The following EYS variants were observed in gnomAD, a reference collection of about 807,000 sequenced individuals.
The protein encoded by EYS is protein eyes shut homolog.
In EYS, 250 loss-of-function variants were observed where a neutral mutation model predicts 282.1. The observed-to-expected ratio is 0.89, with a 90% CI of 0.80 to 0.98. The LOEUF is 0.98. Ranked by LOEUF, EYS falls within the 50% of genes least tolerant of loss-of-function variation. EYS has a pLI of 0.00. For missense variants in EYS, 4,016 were observed against 3,709.0 expected (o/e 1.08, Z -2.15); for synonymous variants, 1,355 against 1,282.9 (o/e 1.06, Z -1.20).
At chr6:64,439,476 G>A (rs1774863614) in intron 26 of EYS, 124 bp from the exon 27 acceptor site, 3 of 549,976 alleles carry the variant, frequency 5.5e-6, no homozygotes, top group Admixed American at 4.3e-5. Context: ...CCTCTTTCAA[G>A]CCCAGGCACT....
Position 65,114,736 on chromosome 6 carries a change from T to C in EYS, c.2024-57009A>G, listed in dbSNP as rs115034751. ...TTCTCTACACTCCGGAGTCACTTCTTCAAGTGATTTCATCCACTATTACAG... is the reference window on the plus strand; with the variant it reads ...TTCTCTACACTCCGGAGTCACTTCTCCAAGTGATTTCATCCACTATTACAG... On this transcript the variant is annotated intron_variant, in intron 12 of 42. Coordinates refer to ENST00000503581, the MANE Select transcript of EYS (RefSeq NM_001142800.2). Among the ~76,000 whole-genome samples, 491 of 152,098 alleles carry C rather than the reference T, an allele frequency of 3.2e-3. 2 individuals carry two copies. The highest frequency in any genetic ancestry group is 0.011 in the African/African-American group (472 of 41,542).
chr6:64,373,620 C>G (rs1772462457), intron 29 of EYS, among the ~76,000 whole-genome samples: 1 of 152,134 alleles, frequency 6.6e-6, no homozygotes, highest in Non-Finnish European at 1.5e-5. Flanking sequence ...CAACAGGAAG[C>G]TGTGCCCCTT....
At chr6:64,723,250 C>A (rs1771646378) in intron 22 of EYS, among the ~76,000 whole-genome samples, 1 of 152,126 alleles carries the variant, frequency 6.6e-6, no homozygotes, top group Admixed American at 6.5e-5. Context: ...CCTTGTCAGT[C>A]ACATGTGCAT....
At chr6:65,576,263 G>A (rs1003789008) in intron 2 of EYS, among the ~76,000 whole-genome samples, 2 of 151,860 alleles carry the variant, frequency 1.3e-5, no homozygotes, top group Admixed American at 1.3e-4. Flanking sequence ...TGGATGCAAG[G>A]ATAATTTAAT....
At chr6:65,396,330 T>G (rs191246970) in intron 7 of EYS, among the ~76,000 whole-genome samples, 1 of 152,280 alleles carries the variant, frequency 6.6e-6, no homozygotes, top group African/African-American at 2.4e-5. Flanking sequence ...GTATTTTATA[T>G]TCTATGCACG....
At chr6:64,044,961 A>G (rs1015253921) in intron 33 of EYS, among the ~76,000 whole-genome samples, 2 of 152,232 alleles carry the variant, frequency 1.3e-5, no homozygotes, top group Admixed American at 6.5e-5. Context: ...AATTAGCTGT[A>G]TGTAGAACAT....
chr6:64,280,155 T>C (rs1275342162), intron 30 of EYS, among the ~76,000 whole-genome samples: 1 of 152,188 alleles, frequency 6.6e-6, no homozygotes, highest in Non-Finnish European at 1.5e-5. Context: ...AAGCATGTAT[T>C]CTTAAATAAA....
At chr6:65,009,175 A>C (rs1771785173) in intron 13 of EYS, among the ~76,000 whole-genome samples, 1 of 152,058 alleles carries the variant, frequency 6.6e-6, no homozygotes, top group South Asian at 2.1e-4. Context: ...ATCCTGTTCA[A>C]GTAAAACTAA....
chr6:65,423,384 G>A (rs1160747136), intron 5 of EYS, among the ~76,000 whole-genome samples: 2 of 151,936 alleles, frequency 1.3e-5, no homozygotes, highest in Admixed American at 6.6e-5. Context: ...TGTAATGTGT[G>A]TGATGGGCAG....
chr6:64,896,497 A>T (rs909737850), intron 18 of EYS, among the ~76,000 whole-genome samples: 2 of 152,016 alleles, frequency 1.3e-5, no homozygotes, highest in Non-Finnish European at 2.9e-5. Context: ...TCAAGCAAAA[A>T]ACTGGGTGGC....
At chr6:64,813,928 C>T (rs2150016527) in intron 21 of EYS, among the ~76,000 whole-genome samples, 1 of 152,110 alleles carries the variant, frequency 6.6e-6, no homozygotes. Flanking sequence ...TCTACCATAC[C>T]TCTCAGTTTT....
chr6:65,258,250 G>T (rs979909192), intron 12 of EYS, among the ~76,000 whole-genome samples: 1 of 151,864 alleles, frequency 6.6e-6, no homozygotes, highest in African/African-American at 2.4e-5. Flanking sequence ...TTTAAAAGTG[G>T]GGGGAAAAAT....
intron 31 of EYS, among the ~76,000 whole-genome samples, chr6:64,089,271 A>G (rs1350423889): frequency 6.6e-6 from 1 of 151,348 alleles, no homozygotes; most frequent in Non-Finnish European, 1.5e-5. Context: ...CCTTTCCTGA[A>G]GAAGCATTCA....
In EYS at chr6:64,391,420, A is replaced by T. The variant is rs61242057; in HGVS notation, c.5928-2580T>A. ...AAGGGAAGCCCATCAGACTAACAGC[A>T]GATCTCTCGGCAGAAACCCTACAAG... On this transcript the variant is annotated intron_variant, in intron 28 of 42. Coordinates refer to ENST00000503581, the MANE Select transcript of EYS (RefSeq NM_001142800.2). Among the ~76,000 whole-genome samples, 24 of 152,262 alleles carry T rather than the reference A, an allele frequency of 1.6e-4. 1 individual carries two copies. The South Asian group carries it at 5.0e-3, about 32-fold the overall frequency.
At chr6:65,071,006 G>A (rs777025617) in intron 12 of EYS, among the ~76,000 whole-genome samples, 12 of 151,572 alleles carry the variant, frequency 7.9e-5, no homozygotes, top group South Asian at 2.1e-4. Context: ...CACAGTTTAC[G>A]GTTAATATGA....
At chr6:64,781,338 A>C (rs536793965) in intron 22 of EYS, among the ~76,000 whole-genome samples, 5 of 152,298 alleles carry the variant, frequency 3.3e-5, no homozygotes, top group African/African-American at 1.2e-4. Flanking sequence ...AAAATTCGTC[A>C]GTAATTCTAA....
rs181182572 is a variant in EYS, at chr6:64,092,020, C to T, written c.6425-10018G>A. On this transcript the variant is annotated intron_variant, in intron 31 of 42. Transcript: ENST00000503581. ...GCAGTGTTTGGTTTTTCTGTCCTTG[C>T]GATAGTTTGCTGAGAATGATGGTTT... 1.1e-4 allele frequency among the ~76,000 whole-genome samples: 17 copies of T among 152,168 alleles called. No homozygotes were observed. In the East Asian group the frequency reaches 2.3e-3, roughly 21 times the overall value.
intron 28 of EYS, among the ~76,000 whole-genome samples, chr6:64,392,275 C>A (rs1229664228): frequency 1.3e-5 from 2 of 148,244 alleles, no homozygotes; most frequent in East Asian, 4.0e-4. Context: ...ACCAAGCAGA[C>A]CTAATAGACA....
intron 26 of EYS, among the ~76,000 whole-genome samples, chr6:64,491,156 A>C (rs1272655375): frequency 1.3e-5 from 2 of 150,898 alleles, no homozygotes; most frequent in African/African-American, 4.8e-5. Flanking sequence ...GGATCTATGT[A>C]ATTGTTTGGA....
Sources: gnomAD v4.1 joint callset for allele counts (sites outside exome capture counted in the v4.1 genomes callset) on GRCh38, gnomAD v4.1.1 for gene constraint, MANE v1.5 for transcripts, NCBI Gene and HGNC (gene_info 2026-07-23, HGNC 2026-07-21) for gene names.